OPCML: variants seen among roughly 807,000 people sequenced by gnomAD.
The protein encoded by OPCML is opioid-binding protein/cell adhesion molecule.
A neutral mutation model predicts 37.8 loss-of-function variants in OPCML; 13 were observed. The ratio of observed to expected loss-of-function variants is 0.34; its 90% CI spans 0.22 to 0.55. The LOEUF is 0.55. Ranked by LOEUF, OPCML falls within the 20% of genes least tolerant of loss-of-function variation. OPCML has a pLI of 0.91. For missense variants in OPCML, 341 were observed against 435.6 expected, an observed-to-expected ratio of 0.78 and a Z score of 1.93; for synonymous variants, 176 against 168.8, an observed-to-expected ratio of 1.04 and a Z score of -0.33.
At chr11:132,613,865 CAA>C (rs548760321) in intron 3 of OPCML, among the ~76,000 whole-genome samples, 209 of 152,134 alleles carry the variant, frequency 1.4e-3, no homozygotes, top group Non-Finnish European at 1.9e-3. Flanking sequence ...ATGGAATGAA[CAA>C]AAGAGTCGTC....
chr11:133,398,301 T>C (rs1945329859), intron 1 of OPCML, among the ~76,000 whole-genome samples: 1 of 152,234 alleles, frequency 6.6e-6, no homozygotes, highest in South Asian at 2.1e-4. Flanking sequence ...TGTGGTCCTT[T>C]TGGAAATCAG....
intron 4 of OPCML, among the ~76,000 whole-genome samples, chr11:132,506,654 C>T (rs947226974): frequency 6.6e-6 from 1 of 152,108 alleles, no homozygotes; most frequent in Non-Finnish European, 1.5e-5. Context: ...GAAACATTTA[C>T]TCAGCTTGAA....
At chr11:133,461,628 G>GA (rs1946860732) in intron 1 of OPCML, among the ~76,000 whole-genome samples, 1 of 151,730 alleles carries the variant, frequency 6.6e-6, no homozygotes, top group South Asian at 2.1e-4. Flanking sequence ...AAATCTTCCT[G>GA]AAAAATTTTA....
At chr11:132,644,723 C>T (rs186242795) in intron 3 of OPCML, among the ~76,000 whole-genome samples, 2 of 152,272 alleles carry the variant, frequency 1.3e-5, no homozygotes, top group East Asian at 1.9e-4. Context: ...AGTGTGCCAC[C>T]GACCCTTATA....
chr11:133,056,368 A>G (rs1027586114), intron 1 of OPCML, among the ~76,000 whole-genome samples: 2 of 152,220 alleles, frequency 1.3e-5, no homozygotes, highest in African/African-American at 4.8e-5. Context: ...ATACCTGCTT[A>G]GAGTCTCTGG....
intron 1 of OPCML, among the ~76,000 whole-genome samples, chr11:133,200,636 T>C (rs551759749): frequency 6.6e-5 from 10 of 152,328 alleles, no homozygotes; most frequent in African/African-American, 2.2e-4. Context: ...TACACTGATA[T>C]TTTTAAAACA....
intron 1 of OPCML, among the ~76,000 whole-genome samples, chr11:133,160,227 G>A (rs73023597): frequency 0.044 from 6,726 of 152,312 alleles, 213 homozygotes; most frequent in Middle Eastern, 0.095. Flanking sequence ...CAAGAGGGGC[G>A]AAGTAAATCC....
chr11:133,082,867 A>G (rs1424215052), intron 1 of OPCML, among the ~76,000 whole-genome samples: 2 of 149,740 alleles, frequency 1.3e-5, no homozygotes, highest in African/African-American at 4.9e-5. Flanking sequence ...GGCCCCTCCG[A>G]GCCGACCTCG....
chr11:132,438,332 T>G (rs2136753595), intron 4 of OPCML, among the ~76,000 whole-genome samples: 1 of 152,318 alleles, frequency 6.6e-6, no homozygotes, highest in East Asian at 1.9e-4. Flanking sequence ...GCACAGCCAT[T>G]TGCATTTCTT....
chr11:133,236,392 T>G (rs1025429263), intron 1 of OPCML, among the ~76,000 whole-genome samples: 2 of 152,196 alleles, frequency 1.3e-5, no homozygotes, highest in African/African-American at 4.8e-5. Flanking sequence ...GAATTTTTAT[T>G]TAATCTTTCA....
rs569594533 is a variant in OPCML at position 133,206,087 on chromosome 11, A to G, written c.62-263077T>C. On this transcript the variant is annotated intron_variant, in intron 1 of 7. Transcript: ENST00000524381. This position sits in a 1 kb window ranked among gnomAD's most constrained non-coding sequence, Gnocchi z 4.7. Reference sequence around the variant, plus strand: ...TAGTGCCTACAGTTAACATTTAATAATAACTGTATTATTCTGTAAATCAGG... The same window carrying G: ...TAGTGCCTACAGTTAACATTTAATAGTAACTGTATTATTCTGTAAATCAGG... Among the ~76,000 whole-genome samples, 1 of 152,324 alleles carries G rather than the reference A, an allele frequency of 6.6e-6. No individual in the cohort carries two copies. The highest frequency in any genetic ancestry group is 2.1e-4 in the South Asian group (1 of 4,824).
intron 1 of OPCML, among the ~76,000 whole-genome samples, chr11:133,251,121 T>G (rs971418389): frequency 2.0e-5 from 3 of 152,180 alleles, no homozygotes; most frequent in Non-Finnish European, 4.4e-5. Context: ...ATTCATATGC[T>G]TATGGCTAAA....
intron 1 of OPCML, among the ~76,000 whole-genome samples, chr11:133,209,623 G>T (rs772747491): frequency 2.0e-5 from 3 of 152,164 alleles, no homozygotes; most frequent in Non-Finnish European, 2.9e-5. Context: ...ATAGAGGAAC[G>T]TTGCTTACTC....
At position 133,275,574 on chromosome 11, in the gene OPCML, T is replaced by C. The variant is rs150891650; in HGVS notation, c.61+256690A>G. Among the ~76,000 whole-genome samples, 725 of 152,256 alleles carry C rather than the reference T, an allele frequency of 4.8e-3. 6 individuals are homozygous for C. Among genetic ancestry groups the C allele is most frequent in the African/African-American group, 0.017 (693 of 41,534 alleles). On this transcript the variant is annotated intron_variant, in intron 1 of 7. Transcript: ENST00000524381. Reference sequence around the variant, plus strand: ...ACTGACCTAGAGAATGTTAACACTGTCCATCTTGCTTTGCCTCTACAAATA... The same window carrying C: ...ACTGACCTAGAGAATGTTAACACTGCCCATCTTGCTTTGCCTCTACAAATA...
rs529151798 is a variant in OPCML, at chr11:133,191,225, T to A, written c.62-248215A>T. 4.6e-5 allele frequency among the ~76,000 whole-genome samples: 7 copies of A among 152,316 alleles called. No homozygotes were observed. In the South Asian group the frequency reaches 1.4e-3, roughly 32 times the overall value. ...TGGTATTTATTTCCCTAATGATCAG[T>A]GATGACAAGCATCTTTTCAGGTGCT... On this transcript the variant is annotated intron_variant, in intron 1 of 7. Coordinates refer to ENST00000524381, the MANE Select transcript of OPCML (RefSeq NM_001012393.5).
At chr11:133,290,216 T>C (rs558612888) in intron 1 of OPCML, among the ~76,000 whole-genome samples, 2 of 152,038 alleles carry the variant, frequency 1.3e-5, no homozygotes, top group Non-Finnish European at 2.9e-5. Context: ...CATTCAGGTG[T>C]ATCTGGGCAC....
intron 1 of OPCML, among the ~76,000 whole-genome samples, chr11:133,245,951 A>C (rs1940907575): frequency 6.6e-6 from 1 of 152,136 alleles, no homozygotes; most frequent in Non-Finnish European, 1.5e-5. Flanking sequence ...GGAACATCAC[A>C]CACTGGGTCC....
At chr11:133,524,515 G>A (rs948680333) in intron 1 of OPCML, among the ~76,000 whole-genome samples, 2 of 152,156 alleles carry the variant, frequency 1.3e-5, no homozygotes, top group Admixed American at 6.5e-5. Context: ...TCAAATAACT[G>A]GGGCCATTTC....
At chr11:132,562,852 C>G (rs745978784) in intron 3 of OPCML, among the ~76,000 whole-genome samples, 24 of 152,138 alleles carry the variant, frequency 1.6e-4, no homozygotes, top group Non-Finnish European at 2.8e-4. Flanking sequence ...AAATAAAAAG[C>G]AGGCAAAGCT....
Sources: allele counts gnomAD v4.1 joint callset (sites outside exome capture counted in the v4.1 genomes callset), GRCh38; gene constraint gnomAD v4.1.1; non-coding constraint Gnocchi (gnomAD v3.1); transcripts MANE v1.5; gene names NCBI Gene and HGNC (gene_info 2026-07-23, HGNC 2026-07-21).